RAP1A: variants seen among roughly 807,000 people sequenced by gnomAD.
The protein encoded by RAP1A is RAP1A, member of RAS oncogene family.
Under a neutral mutation model 26.4 loss-of-function variants are expected in RAP1A, and 6 were observed. That is an observed-to-expected ratio of 0.23 (90% CI 0.12 to 0.45). RAP1A has a LOEUF of 0.45. Among genes scored for constraint, RAP1A ranks in the 20% least tolerant of loss-of-function variants. RAP1A has a pLI of 0.99. For missense variants in RAP1A, 121 were observed against 217.2 expected, an observed-to-expected ratio of 0.56 and a Z score of 2.78; for synonymous variants, 73 against 79.4, an observed-to-expected ratio of 0.92 and a Z score of 0.43.
At chr1:111,596,412 G>C (rs1557860795) in intron 1 of RAP1A, among the ~76,000 whole-genome samples, 2 of 152,302 alleles carry the variant, frequency 1.3e-5, no homozygotes, top group East Asian at 1.9e-4. Flanking sequence ...GGAAACTATT[G>C]CTTCTTGGTG....
At chr1:111,606,624 A>G (rs1475258344) in intron 1 of RAP1A, among the ~76,000 whole-genome samples, 2 of 152,164 alleles carry the variant, frequency 1.3e-5, no homozygotes, top group East Asian at 3.9e-4. Context: ...AGGGCCCTCC[A>G]AGCTCCCACC....
intron 1 of RAP1A, among the ~76,000 whole-genome samples, chr1:111,548,777 A>G (rs1430718615): frequency 6.6e-6 from 1 of 152,182 alleles, no homozygotes; most frequent in African/African-American, 2.4e-5. Context: ...GTCCCCATAA[A>G]CTTTTTGTAA....
At chr1:111,699,980 T>A (rs997971567) in intron 4 of RAP1A, among the ~76,000 whole-genome samples, 3 of 152,206 alleles carry the variant, frequency 2.0e-5, no homozygotes, top group African/African-American at 7.2e-5. Context: ...ATGTAAAACC[T>A]TTATTCATTT....
intron 6 of RAP1A, chr1:111,706,755 A>G: frequency 9.2e-6 from 9 of 982,818 alleles, no homozygotes; most frequent in Non-Finnish European, 1.1e-5. Context: ...TGCCCTCATC[A>G]CTGAACCATC....
At chr1:111,579,635 A>G (rs1299812437) in intron 1 of RAP1A, among the ~76,000 whole-genome samples, 1 of 152,168 alleles carries the variant, frequency 6.6e-6, no homozygotes, top group Non-Finnish European at 1.5e-5. Context: ...TGAAAATATC[A>G]ACTAAGTCAA....
At chr1:111,623,978 G>T (rs976548658) in intron 1 of RAP1A, among the ~76,000 whole-genome samples, 1 of 152,066 alleles carries the variant, frequency 6.6e-6, no homozygotes, top group Non-Finnish European at 1.5e-5. Context: ...TTCTAATCTC[G>T]TGATTCTAAA....
intron 1 of RAP1A, among the ~76,000 whole-genome samples, chr1:111,546,321 G>A (rs1657032595): frequency 6.6e-6 from 1 of 152,082 alleles, no homozygotes; most frequent in Non-Finnish European, 1.5e-5. Flanking sequence ...GTGGCATTAA[G>A]TACATTTACA....
At chr1:111,559,942 A>T (rs1380586411) in intron 1 of RAP1A, among the ~76,000 whole-genome samples, 1 of 152,160 alleles carries the variant, frequency 6.6e-6, no homozygotes, top group African/African-American at 2.4e-5. Flanking sequence ...TCACAGTAGG[A>T]TTTAGCACTT....
intron 6 of RAP1A, chr1:111,706,705 G>T: frequency 1.0e-6 from 1 of 985,134 alleles, no homozygotes; most frequent in Non-Finnish European, 1.2e-6. Context: ...CCTAGGCTGG[G>T]GCCTTTCAGC....
intron 1 of RAP1A, among the ~76,000 whole-genome samples, chr1:111,665,059 G>A (rs1004452608): frequency 1.3e-5 from 2 of 152,130 alleles, no homozygotes; most frequent in Non-Finnish European, 2.9e-5. Flanking sequence ...TGGGGGTAAT[G>A]ACATATAGTT....
Position 111,691,395 on chromosome 1 carries a change from G to T in RAP1A, c.35G>T (p.Gly12Val). The change falls in exon 2 of 8, where the codon GGA becomes GTA. Residue 12 changes from glycine to valine, a missense_variant. Physicochemically the swap from Gly to Val is moderately radical, Grantham distance 109. Transcript: ENST00000369709. ...REYKLVVLGSGGVGKSALTVQ... is the reference protein window; with the variant it reads ...REYKLVVLGSVGVGKSALTVQ... Reference sequence around the variant, plus strand: ...TACAAGCTAGTGGTCCTTGGTTCAGGAGGCGTTGGGAAGTCTGCTCTGGTA... The same window carrying T: ...TACAAGCTAGTGGTCCTTGGTTCAGTAGGCGTTGGGAAGTCTGCTCTGGTA... The T allele has an allele frequency of 6.2e-7, 1 of 1,613,474 alleles. No homozygotes were observed. The highest frequency in any genetic ancestry group is 8.5e-7 in the Non-Finnish European group (1 of 1,179,476).
intron 1 of RAP1A, among the ~76,000 whole-genome samples, chr1:111,685,600 C>T (rs1053302795): frequency 2.6e-5 from 4 of 152,042 alleles, no homozygotes; most frequent in Admixed American, 6.6e-5. Flanking sequence ...GTTAGAATAG[C>T]GATCATTAAA....
intron 1 of RAP1A, among the ~76,000 whole-genome samples, chr1:111,548,770 C>G (rs1367467740): frequency 1.3e-5 from 2 of 152,198 alleles, no homozygotes; most frequent in East Asian, 3.9e-4. Context: ...GGGCGTTGTC[C>G]CCATAAACTT....
chr1:111,551,933 G>A (rs1318763623), intron 1 of RAP1A, among the ~76,000 whole-genome samples: 1 of 152,210 alleles, frequency 6.6e-6, no homozygotes, highest in African/African-American at 2.4e-5. Context: ...TTGAGCATGT[G>A]AACAGTTCTC....
At chr1:111,655,707 G>A (rs956216444) in intron 1 of RAP1A, among the ~76,000 whole-genome samples, 1 of 119,492 alleles carries the variant, frequency 8.4e-6, no homozygotes, top group African/African-American at 3.3e-5. Flanking sequence ...TCGCTCTGTC[G>A]CCCAGGCTGG....
At chr1:111,691,594 A>G (rs1446161716) in intron 2 of RAP1A, among the ~76,000 whole-genome samples, 177 bp downstream of exon 2, 1 of 152,230 alleles carries the variant, frequency 6.6e-6, no homozygotes, top group Non-Finnish European at 1.5e-5. Flanking sequence ...GTTTTATAAC[A>G]TTGGCTCATT....
chr1:111,596,232 A>G (rs559583679), intron 1 of RAP1A, among the ~76,000 whole-genome samples: 12 of 149,750 alleles, frequency 8.0e-5, no homozygotes, highest in African/African-American at 2.7e-4. Flanking sequence ...GGATCCCTTT[A>G]AAAAAAAAAT....
chr1:111,623,104 G>A (rs1307523420), intron 1 of RAP1A, among the ~76,000 whole-genome samples: 1 of 151,824 alleles, frequency 6.6e-6, no homozygotes, highest in Non-Finnish European at 1.5e-5. Context: ...TGCAACCTCT[G>A]CCTCCTGGGT....
intron 1 of RAP1A, among the ~76,000 whole-genome samples, chr1:111,576,725 G>A (rs1240455331): frequency 2.0e-5 from 3 of 152,192 alleles, no homozygotes; most frequent in Non-Finnish European, 4.4e-5. Context: ...TTTGGAGAGT[G>A]TAATGGGTGT....
Sources: gnomAD v4.1 joint callset for allele counts (sites outside exome capture counted in the v4.1 genomes callset) on GRCh38, gnomAD v4.1.1 for gene constraint, MANE v1.5 for transcripts, NCBI Gene and HGNC (gene_info 2026-07-23, HGNC 2026-07-21) for gene names.